RNF144A: variants seen among roughly 807,000 people sequenced by gnomAD.
The protein encoded by RNF144A is E3 ubiquitin-protein ligase RNF144A.
In RNF144A, 11 loss-of-function variants were observed where a neutral mutation model predicts 38.7. That is an observed-to-expected ratio of 0.28 (90% confidence interval 0.18 to 0.47). RNF144A has a LOEUF of 0.47. Among genes scored for constraint, RNF144A ranks in the 20% least tolerant of loss-of-function variants. The probability of loss-of-function intolerance (pLI) is 0.99; values close to 1 mark genes in which losing one functional copy is unlikely to be tolerated. For missense variants in RNF144A, 316 were observed against 377.2 expected (o/e 0.84, Z 1.34); for synonymous variants, 149 against 143.9 (o/e 1.04, Z -0.25).
downstream of RNF144A, among the ~76,000 whole-genome samples, chr2:7,070,537 A>T (rs1674429532): frequency 6.6e-6 from 1 of 152,196 alleles, no homozygotes; most frequent in South Asian, 2.1e-4. Flanking sequence ...CCCTCCCAGT[A>T]CATGTGAATG....
At position 7,042,668 on chromosome 2, in the gene RNF144A, G is replaced by C. The variant is rs1380911684; in HGVS notation, c.*2908G>C. ...TGCTGTGTAGTCCATAGCCCAGCCAGATGAGCTTGCAGCCTCATAGGAGGT... is the reference window on the plus strand; with the variant it reads ...TGCTGTGTAGTCCATAGCCCAGCCACATGAGCTTGCAGCCTCATAGGAGGT... On this transcript the variant is annotated 3_prime_UTR_variant, in exon 9 of 9. Transcript: ENST00000320892. The C allele has an allele frequency of 1.0e-6, 1 of 985,384 alleles. No homozygotes were observed. The highest frequency in any genetic ancestry group is 1.7e-5 in the African/African-American group (1 of 57,252). 61.0% of individuals were successfully genotyped at this position (985,384 alleles called of 1,614,324 possible).
At chr2:6,927,362 C>T (rs1036957539) in intron 1 of RNF144A, among the ~76,000 whole-genome samples, 1 of 152,234 alleles carries the variant, frequency 6.6e-6, no homozygotes, top group Non-Finnish European at 1.5e-5. Flanking sequence ...GCCTGCAGCT[C>T]TGCTTCCTTG....
intron 2 of RNF144A, among the ~76,000 whole-genome samples, chr2:6,976,808 A>ACTTTT (rs138910386): frequency 0.15 from 23,230 of 151,930 alleles, 1,813 homozygotes; most frequent in East Asian, 0.21. Context: ...GTTTATGCTT[A>ACTTTT]CTTTTCACCT....
intron 3 of RNF144A, among the ~76,000 whole-genome samples, chr2:6,997,722 A>C (rs767215769): frequency 2.0e-5 from 3 of 152,320 alleles, no homozygotes; most frequent in Non-Finnish European, 4.4e-5. Flanking sequence ...TTTTCTGTCC[A>C]TTCAAGGAAT....
intron 5 of RNF144A, among the ~76,000 whole-genome samples, chr2:7,015,637 G>A (rs187186639): frequency 6.6e-6 from 1 of 152,336 alleles, no homozygotes; most frequent in East Asian, 1.9e-4. Flanking sequence ...CAATGAAACT[G>A]TAAAGAGTCT....
At chr2:7,002,174 C>T (rs1316431331) in intron 3 of RNF144A, among the ~76,000 whole-genome samples, 2 of 152,148 alleles carry the variant, frequency 1.3e-5, no homozygotes, top group African/African-American at 2.4e-5. Flanking sequence ...TTCCTTTGCA[C>T]GTCTTTATGT....
At chr2:7,055,190 C>A (rs976484031) in intron 6 of RNF144A, among the ~76,000 whole-genome samples, 3 of 152,186 alleles carry the variant, frequency 2.0e-5, no homozygotes, top group African/African-American at 7.2e-5. Flanking sequence ...CTAAGCTTTG[C>A]AAATGATGGA....
At chr2:6,939,999 G>GT (rs1182532358) in intron 1 of RNF144A, among the ~76,000 whole-genome samples, 2 of 151,870 alleles carry the variant, frequency 1.3e-5, no homozygotes, top group East Asian at 1.9e-4. Context: ...ACTCCCCCAA[G>GT]TTTTTTTTCT....
intron 3 of RNF144A, among the ~76,000 whole-genome samples, chr2:6,998,172 C>CAAAAAAAA (rs34548361): frequency 1.4e-5 from 2 of 145,866 alleles, no homozygotes; most frequent in African/African-American, 5.0e-5. Flanking sequence ...AAACTGTCTT[C>CAAAAAAAA]AAAAAAAAAA....
chr2:6,930,033 A>G (rs1054083684), intron 1 of RNF144A, among the ~76,000 whole-genome samples: 2 of 152,250 alleles, frequency 1.3e-5, no homozygotes, highest in Admixed American at 6.5e-5. Context: ...TTTATTTGCA[A>G]TGGCATGATT....
rs1417800117 is a variant in RNF144A at position 6,944,842 on chromosome 2, G to T, written c.-12+3695G>T. On this transcript the variant is annotated intron_variant, in intron 2 of 8. Transcript: ENST00000320892. The surrounding 1 kb of genome is among the most constrained non-coding windows in gnomAD (Gnocchi z 4.7). ...GCTTCATATTCACAAAAGAGTCATGGTGAAGTGGCCAAAATACTAGAAAAT... is the reference window on the plus strand; with the variant it reads ...GCTTCATATTCACAAAAGAGTCATGTTGAAGTGGCCAAAATACTAGAAAAT... 6.6e-6 allele frequency among the ~76,000 whole-genome samples: 1 copy of T among 152,222 alleles called. No homozygotes were observed. The highest frequency in any genetic ancestry group is 6.5e-5 in the Admixed American group (1 of 15,278).
At chr2:7,070,564 TAGAG>T (rs1419499201), downstream of RNF144A, among the ~76,000 whole-genome samples, 1 of 152,092 alleles carries the variant, frequency 6.6e-6, no homozygotes, top group East Asian at 1.9e-4. Context: ...TATTTGGAAA[TAGAG>T]AGTGTTTGCA....
chr2:6,985,293 T>TA lies in RNF144A; in HGVS notation c.-11-11621dup, dbSNP rs1553337863. 4.0e-3 allele frequency among the ~76,000 whole-genome samples: 477 copies of TA among 119,638 alleles called. 9 individuals carry two copies. Among genetic ancestry groups the TA allele is most frequent in the Admixed American group, 0.039 (426 of 10,942 alleles). The allele number at this position is 119,638 out of a possible 152,430, so 78.5% of individuals were successfully genotyped here. On this transcript the variant is annotated intron_variant, in intron 2 of 8. Coordinates refer to ENST00000320892, the MANE Select transcript of RNF144A (RefSeq NM_014746.6). The stretch of plus-strand genomic sequence containing the variant: ...CTCTTTTTTTTTTTTTTTTTTTTTT[T>TA]AACAATGAGAAGATCGTTAAAGGCA...
chr2:6,983,675 G>A (rs369056725), intron 2 of RNF144A, among the ~76,000 whole-genome samples: 14 of 152,186 alleles, frequency 9.2e-5, no homozygotes, highest in South Asian at 6.2e-4. Flanking sequence ...GCCTTGTACC[G>A]GAATCCTCCT....
chr2:7,048,485 G>C (rs1409248641), downstream of RNF144A, among the ~76,000 whole-genome samples: 5 of 152,140 alleles, frequency 3.3e-5, no homozygotes, highest in Admixed American at 6.5e-5. Context: ...ATGGGGCCCG[G>C]CCCAACCCCA....
chr2:6,990,775 T>A (rs1334359849), intron 2 of RNF144A, among the ~76,000 whole-genome samples: 2 of 152,166 alleles, frequency 1.3e-5, no homozygotes, highest in Non-Finnish European at 2.9e-5. Flanking sequence ...TAATGACATG[T>A]AATCACCATT....
intron 8 of RNF144A, among the ~76,000 whole-genome samples, chr2:7,037,094 T>C (rs1672730101): frequency 6.6e-6 from 1 of 152,190 alleles, no homozygotes; most frequent in Non-Finnish European, 1.5e-5. Flanking sequence ...TCCCTCTGCC[T>C]TCTGTGATCA....
intron 3 of RNF144A, among the ~76,000 whole-genome samples, chr2:7,001,494 T>C (rs1189555689): frequency 2.0e-5 from 3 of 152,010 alleles, no homozygotes; most frequent in Non-Finnish European, 2.9e-5. Flanking sequence ...CTGGGCAACA[T>C]AGTGAGACCT....
At chr2:7,061,081 C>A (rs1183592674) in intron 6 of RNF144A, among the ~76,000 whole-genome samples, 2 of 152,080 alleles carry the variant, frequency 1.3e-5, no homozygotes, top group East Asian at 3.9e-4. Flanking sequence ...GGTAGTGGCC[C>A]AAGTGTTTCT....
Sources: gnomAD v4.1 joint callset for allele counts (sites outside exome capture counted in the v4.1 genomes callset) on GRCh38, gnomAD v4.1.1 for gene constraint, Gnocchi (gnomAD v3.1) non-coding constraint, MANE v1.5 for transcripts, NCBI Gene and HGNC (gene_info 2026-07-23, HGNC 2026-07-21) for gene names.